Variants in MAGI2 observed in about 807,000 individuals in gnomAD.
MAGI2 encodes the protein membrane associated guanylate kinase, WW and PDZ domain containing 2.
MAGI2 carries 35 observed loss-of-function variants against 133.3 expected under a neutral mutation model. That is an observed-to-expected ratio of 0.26 (90% CI 0.20 to 0.35). The LOEUF (loss-of-function observed/expected upper bound fraction) is 0.35, where lower values mean the gene tolerates loss of function less well. MAGI2 is among the 10% of genes least tolerant of loss of function. The probability of loss-of-function intolerance (pLI) is 1.00; values close to 1 mark genes in which losing one functional copy is unlikely to be tolerated. For missense variants in MAGI2, 1,636 were observed against 1,863.4 expected (o/e 0.88, Z 2.25); for synonymous variants, 729 against 710.6 (o/e 1.03, Z -0.41).
At chr7:78,401,954 T>C (rs1251367930) in intron 6 of MAGI2, among the ~76,000 whole-genome samples, 2 of 151,954 alleles carry the variant, frequency 1.3e-5, no homozygotes, top group East Asian at 3.9e-4. Flanking sequence ...GTGTTTCTAC[T>C]TGTCTTGTTG....
At chr7:78,382,960 A>C (rs1795061367) in intron 6 of MAGI2, among the ~76,000 whole-genome samples, 1 of 152,090 alleles carries the variant, frequency 6.6e-6, no homozygotes, top group Non-Finnish European at 1.5e-5. Flanking sequence ...TTTATGATTG[A>C]ATATTATTCT....
At chr7:79,318,523 C>A (rs1838920868) in intron 1 of MAGI2, among the ~76,000 whole-genome samples, 1 of 152,122 alleles carries the variant, frequency 6.6e-6, no homozygotes, top group Admixed American at 6.6e-5. Flanking sequence ...AGTTTGACTA[C>A]TATCAGCAAT....
chr7:79,104,469 C>G (rs576831708), intron 1 of MAGI2, among the ~76,000 whole-genome samples: 1 of 152,132 alleles, frequency 6.6e-6, no homozygotes, highest in South Asian at 2.1e-4. Flanking sequence ...GAGATCGAGA[C>G]CATCCTAGCA....
intron 1 of MAGI2, among the ~76,000 whole-genome samples, chr7:79,435,896 G>C (rs561687650): frequency 6.6e-6 from 1 of 152,228 alleles, no homozygotes; most frequent in Admixed American, 6.5e-5. Context: ...AAACAGCATG[G>C]ATTTGCTATG....
intron 1 of MAGI2, among the ~76,000 whole-genome samples, chr7:79,420,776 A>C (rs905835636): frequency 6.6e-6 from 1 of 151,986 alleles, no homozygotes; most frequent in South Asian, 2.1e-4. Flanking sequence ...TTTTTATTCA[A>C]ACCATAAAAA....
chr7:78,866,061 G>GA (rs893582446), intron 2 of MAGI2, among the ~76,000 whole-genome samples: 18 of 150,424 alleles, frequency 1.2e-4, no homozygotes, highest in South Asian at 2.1e-4. Context: ...TTCTGACCAA[G>GA]AAAAAAAAAT....
rs58788674 is a variant in MAGI2 at position 78,057,977 on chromosome 7, GTATATATATATATATA to G, written c.3706+20954_3706+20969del. Among the ~76,000 whole-genome samples, 8 of 106,612 alleles carry G rather than the reference GTATATATATATATATA, an allele frequency of 7.5e-5. 1 individual carries two copies. The highest frequency in any genetic ancestry group is 3.2e-4 in the South Asian group (1 of 3,080). 69.9% of individuals were successfully genotyped at this position (106,612 alleles called of 152,430 possible). ...CCCCTCTGGCATTTTATATATATGT[GTATATATATATATATA>G]TATATATATATGTATGAGAAACATC... On this transcript the variant is annotated intron_variant, in intron 21 of 21. Coordinates refer to ENST00000354212, the MANE Select transcript of MAGI2 (RefSeq NM_012301.4).
At chr7:79,342,046 G>A (rs7776852) in intron 1 of MAGI2, among the ~76,000 whole-genome samples, 2,335 of 152,184 alleles carry the variant, frequency 0.015, 51 homozygotes, top group African/African-American at 0.055. Flanking sequence ...TGGTTTACTT[G>A]TACTGTAACG....
At chr7:78,698,027 A>T (rs972115169) in intron 2 of MAGI2, among the ~76,000 whole-genome samples, 1 of 152,198 alleles carries the variant, frequency 6.6e-6, no homozygotes, top group South Asian at 2.1e-4. Flanking sequence ...CCTCTGTTAG[A>T]TTAATCTAGA....
intron 1 of MAGI2, among the ~76,000 whole-genome samples, chr7:79,083,769 G>A (rs371509652): frequency 5.3e-5 from 8 of 151,622 alleles, no homozygotes; most frequent in African/African-American, 1.9e-4. Flanking sequence ...AAAGCTTGGT[G>A]GAATTTATCT....
chr7:78,532,457 CA>C (rs1020042343), intron 3 of MAGI2, among the ~76,000 whole-genome samples: 2 of 152,162 alleles, frequency 1.3e-5, no homozygotes, highest in African/African-American at 4.8e-5. Context: ...CCAAGCCTTT[CA>C]TTTGCATCCA....
intron 1 of MAGI2, among the ~76,000 whole-genome samples, chr7:79,236,095 A>G (rs533942634): frequency 6.6e-6 from 1 of 152,236 alleles, no homozygotes; most frequent in South Asian, 2.1e-4. Context: ...GGAAGAAGGA[A>G]GTCATTGGGA....
Position 78,043,642 on chromosome 7 carries a change from A to G in MAGI2, c.3707-23666T>C, listed in dbSNP as rs370126399. 2.2e-4 allele frequency among the ~76,000 whole-genome samples: 34 copies of G among 152,308 alleles called. No individual in the cohort carries two copies. The East Asian group carries it at 4.6e-3, about 21-fold the overall frequency. On this transcript the variant is annotated intron_variant, in intron 21 of 21. Coordinates refer to ENST00000354212, the MANE Select transcript of MAGI2 (RefSeq NM_012301.4). ...AAGCTTGAATGAGTCGAGCGAGTCA[A>G]AGAAATTTTAACGGATGTACAGACA...
rs183650396 is a variant in MAGI2 at position 79,324,254 on chromosome 7, G to A, written c.301+128766C>T. On this transcript the variant is annotated intron_variant, in intron 1 of 21. Coordinates refer to ENST00000354212, the MANE Select transcript of MAGI2 (RefSeq NM_012301.4). ...CTGTTTTGTTCCAATTTTAGTGTATGTGCTGCTGAAGCTAGCACTATGTAA... is the reference window on the plus strand; with the variant it reads ...CTGTTTTGTTCCAATTTTAGTGTATATGCTGCTGAAGCTAGCACTATGTAA... Among the ~76,000 whole-genome samples the A allele has an allele frequency of 7.7e-3, 1,171 of 151,348 alleles. 5 individuals are homozygous for A. The highest frequency in any genetic ancestry group is 0.013 in the Non-Finnish European group (862 of 67,864).
intron 3 of MAGI2, among the ~76,000 whole-genome samples, chr7:78,552,483 A>G (rs1799435526): frequency 6.6e-6 from 1 of 152,048 alleles, no homozygotes; most frequent in Admixed American, 6.6e-5. Flanking sequence ...GCGCCCGACT[A>G]TTTTCCTTTT....
chr7:78,775,319 T>TAAAAAAAA (rs1825900811), intron 2 of MAGI2, among the ~76,000 whole-genome samples: 1 of 13,902 alleles, frequency 7.2e-5, no homozygotes, highest in African/African-American at 3.1e-4. Context: ...TCGTCTCAAA[T>TAAAAAAAA]TAAAAAAAAA....
At chr7:79,085,809 A>T (rs1241093005) in intron 1 of MAGI2, among the ~76,000 whole-genome samples, 2 of 151,900 alleles carry the variant, frequency 1.3e-5, no homozygotes, top group Admixed American at 6.6e-5. Flanking sequence ...ATTTCCTTAC[A>T]TTCTTTGAAT....
chr7:78,680,003 A>G (rs1284934141), intron 2 of MAGI2, among the ~76,000 whole-genome samples: 1 of 152,180 alleles, frequency 6.6e-6, no homozygotes, highest in Non-Finnish European at 1.5e-5. Flanking sequence ...AATCAAAATC[A>G]AAAGCAAATA....
chr7:79,364,762 A>G (rs1392141620), intron 1 of MAGI2, among the ~76,000 whole-genome samples: 2 of 152,086 alleles, frequency 1.3e-5, no homozygotes, highest in Non-Finnish European at 2.9e-5. Context: ...TATACTTTTT[A>G]TAAAAATTAA....
Sources: gnomAD v4.1 joint callset for allele counts (sites outside exome capture counted in the v4.1 genomes callset) on GRCh38, gnomAD v4.1.1 for gene constraint, MANE v1.5 for transcripts, NCBI Gene and HGNC (gene_info 2026-07-23, HGNC 2026-07-21) for gene names.